Variants in SCAPER observed in about 807,000 individuals in gnomAD.
SCAPER encodes the protein S-phase cyclin A associated protein in the ER.
A neutral mutation model predicts 182.2 loss-of-function variants in SCAPER; 98 were observed. The ratio of observed to expected loss-of-function variants is 0.54; its 90% CI spans 0.46 to 0.64. The LOEUF (loss-of-function observed/expected upper bound fraction) is 0.64, where lower values mean the gene tolerates loss of function less well. SCAPER is among the 30% of genes least tolerant of loss of function. The probability of loss-of-function intolerance (pLI) is 0.00; values close to 1 mark genes in which losing one functional copy is unlikely to be tolerated. For synonymous variants in SCAPER, 605 were observed against 564.6 expected (o/e 1.07, Z -1.01); for missense variants, 1,432 against 1,690.0 (o/e 0.85, Z 2.68).
intron 6 of SCAPER, among the ~76,000 whole-genome samples, chr15:76,802,942 CTATT>C (rs1386172801): frequency 6.6e-6 from 1 of 152,146 alleles, no homozygotes; most frequent in Non-Finnish European, 1.5e-5. Flanking sequence ...ATTTGATTAT[CTATT>C]TCTAGAGTAT....
intron 20 of SCAPER, among the ~76,000 whole-genome samples, chr15:76,686,732 C>T (rs2058056370): frequency 6.6e-6 from 1 of 152,014 alleles, no homozygotes; most frequent in Non-Finnish European, 1.5e-5. Context: ...AACTAAAGCT[C>T]TTCATAGTAA....
chr15:76,774,412 A>G (rs1210774325), intron 9 of SCAPER: 1 of 390,304 alleles, frequency 2.6e-6, no homozygotes, highest in South Asian at 1.9e-5. Flanking sequence ...AGGAAATTCT[A>G]TTTAAAAAAA....
At chr15:76,719,934 T>A (rs74475780) in intron 17 of SCAPER, among the ~76,000 whole-genome samples, 52 of 152,136 alleles carry the variant, frequency 3.4e-4, no homozygotes, top group African/African-American at 1.1e-3. Context: ...TTTTTTTTTT[T>A]AATTATTATT....
chr15:76,691,270 ATACT>A (rs1307853207), intron 20 of SCAPER, among the ~76,000 whole-genome samples: 2 of 152,074 alleles, frequency 1.3e-5, no homozygotes, highest in Admixed American at 6.5e-5. Context: ...GAAATTTTCA[ATACT>A]TAATTGAAGA....
intron 8 of SCAPER, among the ~76,000 whole-genome samples, chr15:76,789,822 A>C (rs1175498847): frequency 6.6e-6 from 1 of 152,254 alleles, no homozygotes; most frequent in Non-Finnish European, 1.5e-5. Context: ...ACGTTGTACT[A>C]AATTCAAGTC....
intron 30 of SCAPER, among the ~76,000 whole-genome samples, chr15:76,353,451 G>A (rs1467135808): frequency 6.6e-6 from 1 of 151,868 alleles, no homozygotes; most frequent in Non-Finnish European, 1.5e-5. Flanking sequence ...TAGCCCTACA[G>A]AATTTAAAAT....
chr15:76,559,929 T>G (rs991278432), intron 23 of SCAPER, among the ~76,000 whole-genome samples: 1 of 152,132 alleles, frequency 6.6e-6, no homozygotes, highest in African/African-American at 2.4e-5. Context: ...TGTGTGTGTG[T>G]GTGTATGTGT....
chr15:76,738,180 C>T (rs2061370266), intron 15 of SCAPER, among the ~76,000 whole-genome samples: 1 of 152,128 alleles, frequency 6.6e-6, no homozygotes, highest in Admixed American at 6.5e-5. Context: ...TTTCACATCA[C>T]CCAGGCTGGA....
At chr15:76,877,694 CCTTCAAAATATCTGTTCTGTAGT>C (rs2073265265) in intron 2 of SCAPER, among the ~76,000 whole-genome samples, 1 of 152,134 alleles carries the variant, frequency 6.6e-6, no homozygotes, top group African/African-American at 2.4e-5. Flanking sequence ...GAGAAGACAT[CCTTCAAAATATCTGTTCTGTAGT>C]CTTCAAAAAT....
intron 5 of SCAPER, among the ~76,000 whole-genome samples, chr15:76,805,595 T>C (rs1347171190): frequency 6.7e-6 from 1 of 149,728 alleles, no homozygotes; most frequent in Non-Finnish European, 1.5e-5. Context: ...AGTCTCGCTC[T>C]GTCACCCAGG....
chr15:76,396,013 T>C (rs927961451), intron 27 of SCAPER, among the ~76,000 whole-genome samples: 21 of 152,214 alleles, frequency 1.4e-4, no homozygotes, highest in African/African-American at 4.6e-4. Flanking sequence ...GATTTCTGTA[T>C]ATGGTGAGAG....
At chr15:76,726,457 CA>C (rs777770471) in intron 17 of SCAPER, among the ~76,000 whole-genome samples, 21 of 149,356 alleles carry the variant, frequency 1.4e-4, no homozygotes, top group Non-Finnish European at 2.8e-4. Flanking sequence ...GGGTTCTCTT[CA>C]AAAAAAAACC....
chr15:76,429,473 C>T (rs770763804), intron 26 of SCAPER, among the ~76,000 whole-genome samples: 1 of 152,032 alleles, frequency 6.6e-6, no homozygotes, highest in African/African-American at 2.4e-5. Context: ...ATAATGGTAA[C>T]GACAATGAAA....
chr15:76,751,707 C>T (rs1472369224), intron 15 of SCAPER, among the ~76,000 whole-genome samples: 4 of 151,654 alleles, frequency 2.6e-5, no homozygotes, highest in Non-Finnish European at 4.4e-5. Flanking sequence ...CTTTACCTAA[C>T]ACCACATACT....
intron 23 of SCAPER, among the ~76,000 whole-genome samples, chr15:76,559,393 G>A (rs762324807): frequency 2.0e-5 from 3 of 151,834 alleles, no homozygotes; most frequent in Non-Finnish European, 2.9e-5. Context: ...TTTCCCCTTC[G>A]CTCAGCACTT....
At chr15:76,620,295 T>C (rs974670175) in intron 22 of SCAPER, among the ~76,000 whole-genome samples, 5 of 152,278 alleles carry the variant, frequency 3.3e-5, no homozygotes, top group South Asian at 2.1e-4. Flanking sequence ...TTAGCACACA[T>C]AGAGTCTAGC....
intron 22 of SCAPER, among the ~76,000 whole-genome samples, chr15:76,617,526 G>T (rs2051604983): frequency 1.3e-5 from 2 of 152,158 alleles, no homozygotes; most frequent in South Asian, 4.1e-4. Context: ...AACATAACCA[G>T]CTAGGTGATA....
chr15:76,744,637 T>C (rs1418324423), intron 15 of SCAPER, among the ~76,000 whole-genome samples: 1 of 152,096 alleles, frequency 6.6e-6, no homozygotes, highest in African/African-American at 2.4e-5. Flanking sequence ...AAACAAGAGA[T>C]GCTGGCAAGG....
intron 10 of SCAPER, 55 bp downstream of exon 10, chr15:76,771,687 C>A: frequency 7.3e-7 from 1 of 1,364,832 alleles, no homozygotes; most frequent in Non-Finnish European, 1.0e-6. Context: ...GTTTATGCTT[C>A]TTAAATATAC....
Sources: gnomAD v4.1 joint callset for allele counts (sites outside exome capture counted in the v4.1 genomes callset) on GRCh38, gnomAD v4.1.1 for gene constraint, MANE v1.5 for transcripts, NCBI Gene and HGNC (gene_info 2026-07-23, HGNC 2026-07-21) for gene names.